The following RCSD1 variants were observed in gnomAD, a reference collection of about 807,000 sequenced individuals.
RCSD1 encodes capZ-interacting protein.
In RCSD1, 26 loss-of-function variants were observed where a neutral mutation model predicts 42.5. The ratio of observed to expected loss-of-function variants is 0.61; its 90% CI spans 0.45 to 0.85. RCSD1 has a LOEUF of 0.85. Among genes scored for constraint, RCSD1 ranks in the 40% least tolerant of loss-of-function variants. The pLI is 0.00. For missense variants in RCSD1, 571 were observed against 528.3 expected (o/e 1.08, Z -0.79); for synonymous variants, 220 against 212.2 (o/e 1.04, Z -0.32).
At chr1:167,640,258 A>G (rs940531808) in intron 1 of RCSD1, among the ~76,000 whole-genome samples, 1 of 152,150 alleles carries the variant, frequency 6.6e-6, no homozygotes, top group South Asian at 2.1e-4. Flanking sequence ...GCAGAGTGTC[A>G]GCAGGACCTC....
intron 6 of RCSD1, among the ~76,000 whole-genome samples, chr1:167,700,237 T>C (rs998687852): frequency 6.6e-6 from 1 of 152,150 alleles, no homozygotes; most frequent in Non-Finnish European, 1.5e-5. Context: ...GGCCCTCACG[T>C]TATTCTCACT....
intron 1 of RCSD1, among the ~76,000 whole-genome samples, chr1:167,675,326 C>A (rs933337743): frequency 6.6e-6 from 1 of 151,200 alleles, no homozygotes; most frequent in Non-Finnish European, 1.5e-5. Context: ...TGGCGGAAGG[C>A]AAAAGAGAAG....
At chr1:167,703,464 G>C (rs2101727342) in intron 6 of RCSD1, among the ~76,000 whole-genome samples, 1 of 152,178 alleles carries the variant, frequency 6.6e-6, no homozygotes, top group East Asian at 1.9e-4. Context: ...GACCAGCCTG[G>C]GCAACATGGC....
chr1:167,691,945 A>C (rs1461753029), intron 4 of RCSD1, among the ~76,000 whole-genome samples: 1 of 152,164 alleles, frequency 6.6e-6, no homozygotes, highest in South Asian at 2.1e-4. Context: ...TGAGGGATGT[A>C]GCCCCAGACT....
intron 1 of RCSD1, among the ~76,000 whole-genome samples, chr1:167,662,665 T>C (rs978828057): frequency 4.6e-5 from 7 of 152,198 alleles, no homozygotes; most frequent in African/African-American, 1.4e-4. Flanking sequence ...CCGTATCATA[T>C]TGGGCATTTT....
chr1:167,657,274 T>C (rs1386520558), intron 1 of RCSD1, among the ~76,000 whole-genome samples: 2 of 152,230 alleles, frequency 1.3e-5, no homozygotes, highest in Non-Finnish European at 2.9e-5. Context: ...TGCTTGTTTG[T>C]CCAAGACCTA....
In RCSD1 at chr1:167,684,124, G is replaced by A. The variant is rs557263255; in HGVS notation, c.108+123G>A. On this transcript the variant is annotated intron_variant, in intron 2 of 6. Coordinates refer to ENST00000367854, the MANE Select transcript of RCSD1 (RefSeq NM_052862.4). ...GTTACCAAATTAGGAAGAGAAGCCA[G>A]GGGCTGGAGGGGTTTCTCTGAATGT... The A allele has an allele frequency of 3.4e-5, 25 of 725,162 alleles. 1 individual carries two copies. The South Asian group carries it at 4.1e-4, about 12-fold the overall frequency. The allele number at this position is 725,162 out of a possible 1,614,324, so 44.9% of individuals were successfully genotyped here.
Position 167,697,090 on chromosome 1 carries a change from T to C in RCSD1, c.475-9T>C, listed in dbSNP as rs1659513782. ...TTTTTGGATAACTTTCCTTAACACT[T>C]TCTTCTAGGTGCGGACGAGGGGCTC... is the stretch of plus-strand genomic sequence containing the variant. On this transcript the variant is annotated splice_polypyrimidine_tract_variant and intron_variant, in intron 5 of 6. Coordinates refer to ENST00000367854, the MANE Select transcript of RCSD1 (RefSeq NM_052862.4). 6.3e-7 allele frequency: 1 copy of C among 1,596,622 alleles called. No individual in the cohort carries two copies. The highest frequency in any genetic ancestry group is 2.2e-5 in the East Asian group (1 of 44,778).
intron 1 of RCSD1, chr1:167,640,752 G>A (rs764529902): frequency 4.6e-5 from 7 of 152,376 alleles, no homozygotes; most frequent in Non-Finnish European, 8.8e-5. Flanking sequence ...GTCTCACTAT[G>A]TTGCCCAGAC....
chr1:167,645,301 C>A (rs78452262), intron 1 of RCSD1, among the ~76,000 whole-genome samples: 5 of 152,178 alleles, frequency 3.3e-5, no homozygotes, highest in African/African-American at 9.7e-5. Flanking sequence ...CTTGGAAATA[C>A]GCATGCATTT....
At chr1:167,643,809 A>G (rs564034429) in intron 1 of RCSD1, among the ~76,000 whole-genome samples, 1 of 152,240 alleles carries the variant, frequency 6.6e-6, no homozygotes, top group East Asian at 1.9e-4. Flanking sequence ...CGTTGCACAT[A>G]TTAGGTGTGA....
At chr1:167,650,782 C>T (rs73033812) in intron 1 of RCSD1, among the ~76,000 whole-genome samples, 22,179 of 152,028 alleles carry the variant, frequency 0.15, 1,745 homozygotes, top group Non-Finnish European at 0.16. Flanking sequence ...GAGGGGTGAG[C>T]GGAGTGTGCG....
chr1:167,686,644 C>T (rs555974599), intron 3 of RCSD1, among the ~76,000 whole-genome samples: 1 of 152,352 alleles, frequency 6.6e-6, no homozygotes, highest in South Asian at 2.1e-4. Flanking sequence ...TTTAAAAACA[C>T]TGAGGTTTTC....
intron 1 of RCSD1, among the ~76,000 whole-genome samples, chr1:167,662,801 G>A (rs563651026): frequency 6.6e-6 from 1 of 152,278 alleles, no homozygotes; most frequent in Admixed American, 6.5e-5. Flanking sequence ...TGTAGCAAGC[G>A]CTGGGTTTGC....
intron 5 of RCSD1, 96 bp from the exon 6 acceptor site, chr1:167,697,003 A>G: frequency 2.6e-6 from 3 of 1,135,662 alleles, no homozygotes; most frequent in Non-Finnish European, 3.8e-6. Flanking sequence ...GGACTTGTGA[A>G]GCAGTGCACC....
chr1:167,690,975 TCA>T (rs1179303306), intron 4 of RCSD1, among the ~76,000 whole-genome samples: 10 of 152,162 alleles, frequency 6.6e-5, no homozygotes, highest in African/African-American at 2.4e-4. Flanking sequence ...GGTCCTGAAC[TCA>T]CAGTCTTGTG....
Position 167,704,842 on chromosome 1 carries a change from T to G in RCSD1, c.*146T>G. ...AGTCAGCCTGAAGACACAGGGTGGATTATTTCCTGGCCTCCACACCAAACG... is the reference window on the plus strand; with the variant it reads ...AGTCAGCCTGAAGACACAGGGTGGAGTATTTCCTGGCCTCCACACCAAACG... On this transcript the variant is annotated 3_prime_UTR_variant, in exon 7 of 7. Coordinates refer to ENST00000367854, the MANE Select transcript of RCSD1 (RefSeq NM_052862.4). 1.4e-6 allele frequency: 1 copy of G among 739,838 alleles called. No individual in the cohort carries two copies. Among genetic ancestry groups the G allele is most frequent in the Non-Finnish European group, 2.3e-6 (1 of 440,278 alleles). 45.8% of individuals were successfully genotyped at this position (739,838 alleles called of 1,614,324 possible).
chr1:167,634,939 AGAGT>A (rs201103098), intron 1 of RCSD1, among the ~76,000 whole-genome samples: 1,228 of 74,492 alleles, frequency 0.016, 32 homozygotes, highest in Admixed American at 0.099. Context: ...TACTATGATG[AGAGT>A]GTGTGTGTGT....
chr1:167,659,177 T>C (rs755629376), intron 1 of RCSD1, among the ~76,000 whole-genome samples: 16 of 152,240 alleles, frequency 1.1e-4, no homozygotes, highest in Non-Finnish European at 2.4e-4. Flanking sequence ...AGTTTGAGCA[T>C]CTTTTTATGT....
Sources: gnomAD v4.1 joint callset for allele counts (sites outside exome capture counted in the v4.1 genomes callset) on GRCh38, gnomAD v4.1.1 for gene constraint, MANE v1.5 for transcripts, NCBI Gene and HGNC (gene_info 2026-07-23, HGNC 2026-07-21) for gene names.